The following GDE1 variants were observed in gnomAD, a reference collection of about 807,000 sequenced individuals.
GDE1 encodes the protein glycerophosphodiester phosphodiesterase 1, also known as RGS16-interacting membrane protein.
GDE1 carries 24 observed loss-of-function variants against 32.2 expected under a neutral mutation model. That is an observed-to-expected ratio of 0.75 (90% CI 0.54 to 1.05). The LOEUF (loss-of-function observed/expected upper bound fraction) is 1.05, where lower values mean the gene tolerates loss of function less well. Ranked by LOEUF, GDE1 falls within the 50% of genes least tolerant of loss-of-function variation. GDE1 has a pLI of 0.00. For missense variants in GDE1, 380 were observed against 415.0 expected, an observed-to-expected ratio of 0.92 and a Z score of 0.73; for synonymous variants, 159 against 158.6, an observed-to-expected ratio of 1.00 and a Z score of -0.02.
chr16:19,504,644 AT>A (rs976634656), intron 5 of GDE1: 18 of 456,750 alleles, frequency 3.9e-5, no homozygotes, highest in East Asian at 1.2e-4. Context: ...TCACAGGTTC[AT>A]TTTTTTTCTT....
chr16:19,520,773 TAAAAAA>T (rs1283210637), intron 1 of GDE1, among the ~76,000 whole-genome samples: 254 of 141,044 alleles, frequency 1.8e-3, no homozygotes, highest in African/African-American at 5.8e-3. Context: ...GAGAGAAAAA[TAAAAAA>T]GAAGAGAATC....
chr16:19,517,219 C>T (rs772570089), intron 1 of GDE1, 30 bp from the exon 2 acceptor site: 2 of 1,556,964 alleles, frequency 1.3e-6, no homozygotes, highest in Non-Finnish European at 1.8e-6. Flanking sequence ...ATATTACTGT[C>T]AAATGGCCAC....
chr16:19,507,016 G>A (rs1189008420), intron 4 of GDE1, among the ~76,000 whole-genome samples: 1 of 151,006 alleles, frequency 6.6e-6, no homozygotes, highest in African/African-American at 2.4e-5. Context: ...ACGTGCGCCT[G>A]TGGTCCCAGC....
At chr16:19,511,214 C>T (rs1230658040) in intron 2 of GDE1, among the ~76,000 whole-genome samples, 2 of 151,824 alleles carry the variant, frequency 1.3e-5, no homozygotes, top group African/African-American at 4.8e-5. Context: ...GCAATTCTCC[C>T]GCCCCAGCCT....
chr16:19,511,401 T>C (rs773387138), intron 2 of GDE1, among the ~76,000 whole-genome samples: 1 of 152,172 alleles, frequency 6.6e-6, no homozygotes, highest in Non-Finnish European at 1.5e-5. Flanking sequence ...ACTGCGCCTG[T>C]CCTACTGTAA....
intron 3 of GDE1, among the ~76,000 whole-genome samples, chr16:19,510,432 C>T (rs1597233815): frequency 6.6e-6 from 1 of 151,988 alleles, no homozygotes; most frequent in East Asian, 1.9e-4. Context: ...CATAGTTGTC[C>T]ATATAAGGCC....
At chr16:19,507,176 A>G (rs1273968016) in intron 4 of GDE1, among the ~76,000 whole-genome samples, 1 of 147,230 alleles carries the variant, frequency 6.8e-6, no homozygotes, top group Non-Finnish European at 1.5e-5. Context: ...AAATAAATAA[A>G]TAAATAAAAT....
At position 19,517,329 on chromosome 16, in the gene GDE1, A is replaced by C. The variant is rs1597237461; in HGVS notation, c.262-140T>G. On this transcript the variant is annotated intron_variant, in intron 1 of 5. Transcript: ENST00000353258. Reference sequence around the variant, plus strand: ...CCTTCCACTTCCCCCACCAAACAGCAATCCTGATCTGTTTCTGTTTTCTGT... The same window carrying C: ...CCTTCCACTTCCCCCACCAAACAGCCATCCTGATCTGTTTCTGTTTTCTGT... 7.7e-6 allele frequency: 5 copies of C among 651,182 alleles called. No individual in the cohort carries two copies. In the East Asian group the frequency reaches 1.3e-4, roughly 17 times the overall value. 40.3% of individuals were successfully genotyped at this position (651,182 alleles called of 1,614,324 possible). A position where few individuals can be genotyped will look rare whatever the true frequency, so the allele number is the denominator to read the frequency against.
chr16:19,503,508 T>A lies in GDE1; in HGVS notation c.958A>T (p.Thr320Ser), dbSNP rs1969205434. The A allele has an allele frequency of 1.9e-6, 3 of 1,613,802 alleles. No individual in the cohort carries two copies. In the South Asian group the frequency reaches 3.3e-5, roughly 18 times the overall value. ...TCGCAGTCTTCTACCATGCTGTCAG[T>A]GATATAGCTGGAACCAAGATGGGAT... Reference protein sequence around the residue: ...YESHLGSSYITDSMVEDCEPH... With the variant: ...YESHLGSSYISDSMVEDCEPH... The change falls in exon 6 of 6, where the codon ACT (threonine) becomes TCT (serine). Residue 320 changes from threonine to serine, a missense_variant. Physicochemically the swap from Thr to Ser is moderately conservative, Grantham distance 58. Transcript: ENST00000353258.
At position 19,518,311 on chromosome 16, in the gene GDE1, TAAAACA is replaced by T. The variant is rs549817313; in HGVS notation, c.262-1128_262-1123del. On this transcript the variant is annotated intron_variant, in intron 1 of 5. Transcript: ENST00000353258. ...TAATTTCCTCAGTCTCTTTCTGTACTAAAACAAAAACAAAAACAAAAACTATTATTT... is the reference window on the plus strand; with the variant it reads ...TAATTTCCTCAGTCTCTTTCTGTACTAAAACAAAAACAAAAACTATTATTT... Among the ~76,000 whole-genome samples, 21 of 152,328 alleles carry T rather than the reference TAAAACA, an allele frequency of 1.4e-4. No homozygotes were observed. The East Asian group carries it at 2.1e-3, about 15-fold the overall frequency.
intron 1 of GDE1, chr16:19,521,208 C>G (rs899876129): frequency 6.3e-6 from 1 of 158,552 alleles, no homozygotes; most frequent in Non-Finnish European, 1.4e-5. Context: ...ATTCCCATCT[C>G]AGGACCTTCT....
intron 2 of GDE1, 82 bp downstream of exon 2, chr16:19,516,932 G>T: frequency 8.4e-7 from 1 of 1,192,794 alleles, no homozygotes; most frequent in Non-Finnish European, 1.2e-6. Flanking sequence ...CTCTCCTGGG[G>T]CAGATGTAAT....
At chr16:19,505,173 C>A in intron 4 of GDE1, 81 bp from the exon 5 acceptor site, 6 of 951,502 alleles carry the variant, frequency 6.3e-6, no homozygotes, top group Middle Eastern at 2.1e-4. Context: ...CCAATGTGCT[C>A]AATCAGATGA....
chr16:19,517,584 A>G (rs1969397286), intron 1 of GDE1, among the ~76,000 whole-genome samples: 1 of 152,172 alleles, frequency 6.6e-6, no homozygotes, highest in Non-Finnish European at 1.5e-5. Flanking sequence ...GTTGTTGATT[A>G]GTCAGATATT....
At position 19,510,858 on chromosome 16, in the gene GDE1, A is replaced by C. The variant is rs756225523; in HGVS notation, c.524T>G (p.Val175Gly). The C allele has an allele frequency of 1.3e-6, 2 of 1,580,548 alleles. No homozygotes were observed. Among genetic ancestry groups the C allele is most frequent in the Non-Finnish European group, 1.7e-6 (2 of 1,156,940 alleles). The change falls in exon 3 of 6, where the codon GTC becomes GGC. Residue 175 changes from valine to glycine, a missense_variant. Coordinates refer to ENST00000353258, the MANE Select transcript of GDE1 (RefSeq NM_016641.4). Reference protein sequence around the residue: ...LNHNLTIFFDVKGHAHKATEA... With the variant: ...LNHNLTIFFDGKGHAHKATEA... The stretch of plus-strand genomic sequence containing the variant: ...CTGTACCTTGTGTGCATGGCCTTTG[A>C]CATCAAAGAAGATTGTGAGGTTATG...
Position 19,521,866 on chromosome 16 carries a change from G to C in GDE1, c.99C>G (p.Leu33=). 1 of 1,606,982 alleles carries C rather than the reference G, an allele frequency of 6.2e-7. No homozygotes were observed. The highest frequency in any genetic ancestry group is 8.5e-7 in the Non-Finnish European group (1 of 1,177,642). Residue 33 remains leucine, a synonymous_variant, in exon 1 of 6, where the codon CTC becomes CTG. Transcript: ENST00000353258. ...LVTRSPVNAC[L]LTGSLFVLLR... ...GTAGAACGAAGAGGCTGCCGGTGAG[G>C]AGGCAGGCATTGACCGGGCTCCGCG... is the stretch of plus-strand genomic sequence containing the variant.
intron 1 of GDE1, among the ~76,000 whole-genome samples, chr16:19,520,254 T>C (rs1157274777): frequency 6.6e-6 from 1 of 151,758 alleles, no homozygotes; most frequent in African/African-American, 2.4e-5. Context: ...GTATAAATCT[T>C]GGCCGGGCAC....
At chr16:19,517,266 C>G in intron 1 of GDE1, 77 bp from the exon 2 acceptor site, 1 of 1,127,152 alleles carries the variant, frequency 8.9e-7, no homozygotes, top group South Asian at 1.3e-5. Flanking sequence ...AAAAGACCAG[C>G]AGGGCTCCTA....
At position 19,503,435 on chromosome 16, in the gene GDE1, C is replaced by T; in HGVS notation, c.*35G>A. ...TGATATCCCTGTATGAGGCCCCTGG[C>T]AGTTTCTGAACCCGTTTCGTCCCAC... On this transcript the variant is annotated 3_prime_UTR_variant, in exon 6 of 6. Transcript: ENST00000353258. 6.2e-7 allele frequency: 1 copy of T among 1,600,516 alleles called. No individual in the cohort carries two copies. Among genetic ancestry groups the T allele is most frequent in the East Asian group, 2.2e-5 (1 of 44,798 alleles).
Sources: allele counts gnomAD v4.1 joint callset (sites outside exome capture counted in the v4.1 genomes callset), GRCh38; gene constraint gnomAD v4.1.1; transcripts MANE v1.5; gene names NCBI Gene and HGNC (gene_info 2026-07-23, HGNC 2026-07-21).